PIP: variants seen among roughly 807,000 people sequenced by gnomAD.
PIP encodes the protein prolactin induced protein, also known as prolactin-inducible protein.
A neutral mutation model predicts 12.8 loss-of-function variants in PIP; 9 were observed. The observed-to-expected ratio is 0.70, with a 90% CI of 0.42 to 1.23. The LOEUF is 1.23. Among genes scored for constraint, PIP ranks in the 50% most tolerant of loss-of-function variants. The pLI is 0.00. For missense variants in PIP, 172 were observed against 179.5 expected (o/e 0.96, Z 0.24); for synonymous variants, 60 against 66.1 (o/e 0.91, Z 0.45).
chr7:143,134,161 T>C (rs1320579168), intron 1 of PIP, among the ~76,000 whole-genome samples: 1 of 139,242 alleles, frequency 7.2e-6, no homozygotes, highest in East Asian at 2.2e-4. Context: ...TTCCTTATTA[T>C]GGCTGAGTAG....
At chr7:143,132,612 T>C (rs558622756) in intron 1 of PIP, among the ~76,000 whole-genome samples, 8 of 152,280 alleles carry the variant, frequency 5.3e-5, no homozygotes, top group African/African-American at 1.7e-4. Context: ...CAATGGCAGC[T>C]TAGGGCAGCT....
chr7:143,134,225 T>A (rs1563015845), intron 1 of PIP, among the ~76,000 whole-genome samples: 7 of 109,536 alleles, frequency 6.4e-5, no homozygotes, highest in African/African-American at 1.8e-4. Flanking sequence ...TATATATATA[T>A]ATATATATAC....
Position 143,139,100 on chromosome 7 carries a change from T to A in PIP, c.227T>A (p.Ile76Asn). 1.3e-6 allele frequency: 2 copies of A among 1,589,060 alleles called. No individual in the cohort carries two copies. Among genetic ancestry groups the A allele is most frequent in the Admixed American group, 1.7e-5 (1 of 59,966 alleles). The part of the protein sequence containing the change: ...MVVKTYLISS[I>N]PLQGAFNYKY... ...GTTAAAACTTACCTCATTAGCAGCA[T>A]CCCTCTACAAGGTGCATTTAACTAT... Residue 76 changes from isoleucine (I) to asparagine (N), a missense_variant, in exon 3 of 4, where the codon ATC (isoleucine) becomes AAC (asparagine). By Grantham distance (149) the Ile-to-Asn change is moderately radical. Transcript: ENST00000291009.
chr7:143,133,082 T>C (rs1799261320), intron 1 of PIP, among the ~76,000 whole-genome samples: 1 of 151,972 alleles, frequency 6.6e-6, no homozygotes. Flanking sequence ...TCCCACCCCA[T>C]TCCCGCCAGA....
At chr7:143,134,186 A>ATT (rs1799275229) in intron 1 of PIP, among the ~76,000 whole-genome samples, 1 of 2,248 alleles carries the variant, frequency 4.4e-4, no homozygotes, top group South Asian at 0.013. Flanking sequence ...ATTCCATCAT[A>ATT]TATATATATA....
At chr7:143,134,763 T>G (rs1446226524) in intron 1 of PIP, among the ~76,000 whole-genome samples, 1 of 151,874 alleles carries the variant, frequency 6.6e-6, no homozygotes, top group Non-Finnish European at 1.5e-5. Flanking sequence ...AAAAACTTGT[T>G]TTTGGTCAAT....
intron 2 of PIP, 73 bp downstream of exon 2, chr7:143,135,372 C>G (rs1799298897): frequency 1.4e-6 from 1 of 715,888 alleles, no homozygotes; most frequent in Admixed American, 2.1e-5. Flanking sequence ...TTTAATCTCT[C>G]ACTTTAATAA....
chr7:143,139,095 CA>C lies in PIP; in HGVS notation c.223del (p.Ser75AlafsTer46), dbSNP rs761390626. ...ACCAGGTTAAAACTTACCTCATTAG[CA>C]GCATCCCTCTACAAGGTGCATTTAA... ...CMVVKTYLIS[S>X]IPLQGAFNYK... On this transcript the variant is annotated frameshift_variant, in exon 3 of 4. Transcript: ENST00000291009. LOFTEE classifies it high-confidence loss of function. 8.8e-6 allele frequency: 14 copies of C among 1,582,154 alleles called. No homozygotes were observed. In the East Asian group the frequency reaches 2.7e-4, roughly 30 times the overall value.
intron 1 of PIP, among the ~76,000 whole-genome samples, chr7:143,133,639 C>T (rs553295071): frequency 7.2e-5 from 11 of 151,854 alleles, no homozygotes; most frequent in Non-Finnish European, 1.5e-4. Flanking sequence ...AGTGTATGGT[C>T]TAAATGTAGA....
At chr7:143,134,042 C>A (rs1799272129) in intron 1 of PIP, among the ~76,000 whole-genome samples, 1 of 150,996 alleles carries the variant, frequency 6.6e-6, no homozygotes. Flanking sequence ...AAGCTTAGCT[C>A]CCACATATCA....
Position 143,134,231 on chromosome 7 carries a change from T to A in PIP, c.96-963T>A, listed in dbSNP as rs1199850229. Among the ~76,000 whole-genome samples, 118 of 80,862 alleles carry A rather than the reference T, an allele frequency of 1.5e-3. 7 individuals carry two copies. The highest frequency in any genetic ancestry group is 4.9e-3 in the African/African-American group (106 of 21,694). 53.0% of individuals were successfully genotyped at this position (80,862 alleles called of 152,430 possible). On this transcript the variant is annotated intron_variant, in intron 1 of 3. Transcript: ENST00000291009. ...ATATATATATATATATATATATATATATACCACAGTTTCTTTATCCACTCG... is the reference window on the plus strand; with the variant it reads ...ATATATATATATATATATATATATAAATACCACAGTTTCTTTATCCACTCG...
At chr7:143,134,224 ATATATATAT>A (rs1563015851) in intron 1 of PIP, among the ~76,000 whole-genome samples, 1,620 of 102,448 alleles carry the variant, frequency 0.016, 58 homozygotes, top group African/African-American at 0.026. Flanking sequence ...ATATATATAT[ATATATATAT>A]ACCACAGTTT....
At chr7:143,132,344 T>G in intron 1 of PIP, 133 bp downstream of exon 1, 12 of 991,344 alleles carry the variant, frequency 1.2e-5, no homozygotes, top group Non-Finnish European at 1.8e-5. Flanking sequence ...CTCCCATGGA[T>G]CTCCTGCCAG....
At position 143,134,226 on chromosome 7, in the gene PIP, ATATATATAC is replaced by A. The variant is rs1563015862; in HGVS notation, c.96-967_96-959del. Among the ~76,000 whole-genome samples, 97 of 99,200 alleles carry A rather than the reference ATATATATAC, an allele frequency of 9.8e-4. 1 individual carries two copies. The highest frequency in any genetic ancestry group is 3.5e-3 in the African/African-American group (87 of 24,920). The allele number at this position is 99,200 out of a possible 152,430, so 65.1% of individuals were successfully genotyped here. ...TATATATATATATATATATATATAT[ATATATATAC>A]CACAGTTTCTTTATCCACTCGTTGA... On this transcript the variant is annotated intron_variant, in intron 1 of 3. Transcript: ENST00000291009.
chr7:143,132,406 G>T (rs890645372), intron 1 of PIP, among the ~76,000 whole-genome samples, 195 bp downstream of exon 1: 9 of 152,074 alleles, frequency 5.9e-5, no homozygotes, highest in Non-Finnish European at 8.8e-5. Context: ...TCACATTTTT[G>T]CTGGGTGTTT....
intron 1 of PIP, among the ~76,000 whole-genome samples, chr7:143,132,449 T>C (rs1441663106): frequency 4.6e-5 from 7 of 152,136 alleles, no homozygotes; most frequent in Non-Finnish European, 2.9e-5. Context: ...GCTCCAAATG[T>C]ACCTACAGGC....
Position 143,132,107 on chromosome 7 carries a change from T to C in PIP, c.-10T>C. On this transcript the variant is annotated 5_prime_UTR_variant, in exon 1 of 4. Transcript: ENST00000291009. The stretch of plus-strand genomic sequence containing the variant: ...TTCTCTGGGACACATTGCCTTCTGT[T>C]TTCTCCAGCATGCGCTTGCTCCAGC... The C allele has an allele frequency of 6.2e-7, 1 of 1,612,830 alleles. No homozygotes were observed. Among genetic ancestry groups the C allele is most frequent in the Admixed American group, 1.7e-5 (1 of 59,956 alleles).
At chr7:143,132,251 G>C in intron 1 of PIP, 40 bp downstream of exon 1, 1 of 1,607,200 alleles carries the variant, frequency 6.2e-7, no homozygotes. Context: ...AAAAATTGCA[G>C]GGAGGGCTCC....
chr7:143,132,507 TC>T (rs1799253981), intron 1 of PIP, among the ~76,000 whole-genome samples: 1 of 152,142 alleles, frequency 6.6e-6, no homozygotes, highest in South Asian at 2.1e-4. Context: ...CACATCTTGT[TC>T]ATAATTTATA....
Sources: allele counts gnomAD v4.1 joint callset (sites outside exome capture counted in the v4.1 genomes callset), GRCh38; gene constraint gnomAD v4.1.1; transcripts MANE v1.5; gene names NCBI Gene and HGNC (gene_info 2026-07-23, HGNC 2026-07-21).